The following POLR1D variants were observed in gnomAD, a reference collection of about 807,000 sequenced individuals.
POLR1D encodes the protein RNA polymerase I and III subunit D, also known as DNA-directed RNA polymerases I and III subunit RPAC2.
A neutral mutation model predicts 10.8 loss-of-function variants in POLR1D; 8 were observed. The ratio of observed to expected loss-of-function variants is 0.74; its 90% confidence interval spans 0.43 to 1.33. POLR1D has a LOEUF of 1.33. Ranked by LOEUF, POLR1D falls within the 40% of genes most tolerant of loss-of-function variation. The pLI is 0.01. For missense variants in POLR1D, 152 were observed against 161.7 expected (o/e 0.94, Z 0.32); for synonymous variants, 54 against 57.2 (o/e 0.94, Z 0.25).
At chr13:27,654,832 A>G (rs1956294740) in intron 2 of POLR1D, among the ~76,000 whole-genome samples, 1 of 152,230 alleles carries the variant, frequency 6.6e-6, no homozygotes. Flanking sequence ...CCACTGGTAC[A>G]GTTTTTCATC....
chr13:27,666,146 G>A (rs1297262650), exon 3 of POLR1D: 1 of 590,488 alleles, frequency 1.7e-6, no homozygotes, highest in East Asian at 2.8e-5. Context: ...AAGTGCAAAG[G>A]AGGATGTCTT....
At chr13:27,643,185 C>T (rs1467084800) in intron 1 of POLR1D, among the ~76,000 whole-genome samples, 9 of 152,178 alleles carry the variant, frequency 5.9e-5, no homozygotes, top group Non-Finnish European at 1.0e-4. Flanking sequence ...CCGTATAAAT[C>T]ACAGTACCTT....
At chr13:27,646,729 G>A (rs921947108) in intron 1 of POLR1D, among the ~76,000 whole-genome samples, 2 of 152,178 alleles carry the variant, frequency 1.3e-5, no homozygotes, top group African/African-American at 2.4e-5. Context: ...TAGTTTGAAA[G>A]CATAGTATTA....
chr13:27,622,826 C>A, intron 1 of POLR1D, 49 bp from the exon 2 acceptor site: 2 of 1,239,422 alleles, frequency 1.6e-6, no homozygotes, highest in Non-Finnish European at 2.4e-6. Context: ...AAGCTAGTTA[C>A]AAAACAATAT....
Position 27,623,182 on chromosome 13 carries a change from G to T in POLR1D, c.334G>T (p.Asp112Tyr), listed in dbSNP as rs149222191. 7 of 1,613,986 alleles carry T rather than the reference G, an allele frequency of 4.3e-6. No homozygotes were observed. In the African/African-American group the frequency reaches 8.0e-5, roughly 18 times the overall value. The stretch of plus-strand genomic sequence containing the variant: ...CATGAATGTCTGCCAACATGTGCTT[G>T]ACAAGTTTGAGGCCAGCATAAAGGA... ...ELMNVCQHVLDKFEASIKDYK... is the reference protein window; with the variant it reads ...ELMNVCQHVLYKFEASIKDYK... Residue 112 changes from aspartate (D) to tyrosine (Y), a missense_variant, in exon 2 of 2, where the codon GAC becomes TAC. Asp to Tyr is a radical substitution (Grantham distance 160). Transcript: ENST00000302979.
At chr13:27,656,933 A>G (rs902500537) in intron 2 of POLR1D, among the ~76,000 whole-genome samples, 1 of 152,264 alleles carries the variant, frequency 6.6e-6, no homozygotes, top group Non-Finnish European at 1.5e-5. Context: ...GGTCAGCACT[A>G]TATGAATCCT....
intron 1 of POLR1D, among the ~76,000 whole-genome samples, 194 bp from the exon 2 acceptor site, chr13:27,622,681 G>A (rs1273095725): frequency 6.6e-6 from 1 of 152,138 alleles, no homozygotes; most frequent in East Asian, 1.9e-4. Context: ...AAATGGAGCA[G>A]GGAAAAACTG....
chr13:27,634,675 CTTTT>C (rs369618281), intron 1 of POLR1D, among the ~76,000 whole-genome samples: 2 of 124,988 alleles, frequency 1.6e-5, no homozygotes, highest in Non-Finnish European at 3.4e-5. Context: ...ATAGACTCTG[CTTTT>C]TTTTTTTTTT....
upstream of POLR1D, chr13:27,621,093 G>C (rs1398125883): frequency 6.5e-6 from 1 of 153,666 alleles, no homozygotes; most frequent in Non-Finnish European, 1.4e-5. Flanking sequence ...GAGCGAGCCT[G>C]GGCGGCGAAA....
At chr13:27,626,152 T>C (rs182259823), downstream of POLR1D, among the ~76,000 whole-genome samples, 10 of 152,352 alleles carry the variant, frequency 6.6e-5, no homozygotes, top group East Asian at 1.2e-3. Flanking sequence ...TTAAAAACTT[T>C]TTTCCTCTCC....
At position 27,622,967 on chromosome 13, in the gene POLR1D, T is replaced by C. The variant is rs1275701517; in HGVS notation, c.119T>C (p.Val40Ala). 1 of 1,613,904 alleles carries C rather than the reference T, an allele frequency of 6.2e-7. No individual in the cohort carries two copies. Among genetic ancestry groups the C allele is most frequent in the Non-Finnish European group, 8.5e-7 (1 of 1,179,812 alleles). Residue 40 changes from valine (V) to alanine (A), a missense_variant, in exon 2 of 2, where the codon GTG becomes GCG. By Grantham distance (64) the Val-to-Ala change is moderately conservative. Transcript: ENST00000302979. ...VQAAGTDRHC[V>A]TFVLHEEDHT... ...GCAGCTGGAACAGATAGACACTGTGTGACATTTGTATTGCACGAGGAAGAC... is the reference window on the plus strand; with the variant it reads ...GCAGCTGGAACAGATAGACACTGTGCGACATTTGTATTGCACGAGGAAGAC...
chr13:27,652,037 A>G (rs1555273363), intron 2 of POLR1D, among the ~76,000 whole-genome samples: 1 of 152,260 alleles, frequency 6.6e-6, no homozygotes, highest in East Asian at 1.9e-4. Context: ...ATTTAGGCAC[A>G]GGGTGCTTTG....
In POLR1D at chr13:27,652,907, A is replaced by ACTTCTTTTTTTTTTTTTTTTTTT. The variant is rs1365436145; in HGVS notation, c.101+4454_101+4455insCTTCTTTTTTTTTTTTTTTTTTT. Among the ~76,000 whole-genome samples the ACTTCTTTTTTTTTTTTTTTTTTT allele has an allele frequency of 6.4e-5, 5 of 78,522 alleles. 1 individual carries two copies. Among genetic ancestry groups the ACTTCTTTTTTTTTTTTTTTTTTT allele is most frequent in the African/African-American group, 3.0e-4 (5 of 16,704 alleles). 51.5% of individuals were successfully genotyped at this position (78,522 alleles called of 152,430 possible). On this transcript the variant is annotated intron_variant, in intron 2 of 2. Coordinates refer to the POLR1D transcript ENST00000399697. ...AAACTTGCCAGAAGTTGCATTTACC[A>ACTTCTTTTTTTTTTTTTTTTTTT]TTTCTTTTTTTTTTTTTTTTTTTTT...
At chr13:27,653,681 G>T (rs1956286099) in intron 2 of POLR1D, among the ~76,000 whole-genome samples, 1 of 151,750 alleles carries the variant, frequency 6.6e-6, no homozygotes, top group South Asian at 2.1e-4. Flanking sequence ...ATTAAAGCTG[G>T]GCAATTTTTA....
chr13:27,627,632 C>T (rs922869280), downstream of POLR1D, among the ~76,000 whole-genome samples: 8 of 151,302 alleles, frequency 5.3e-5, no homozygotes, highest in East Asian at 3.9e-4. Context: ...TAAGAATTGG[C>T]GGCTTATGAT....
At chr13:27,622,191 A>G (rs185715081) in intron 1 of POLR1D, 182 bp downstream of exon 1, 3 of 631,540 alleles carry the variant, frequency 4.8e-6, no homozygotes, top group Admixed American at 2.6e-5. Context: ...TACACTAGCT[A>G]TCAAGGAGGG....
chr13:27,665,027 C>T (rs1956401830), intron 2 of POLR1D: 1 of 152,660 alleles, frequency 6.6e-6, no homozygotes, highest in Admixed American at 6.5e-5. Context: ...GCAGCCTCTC[C>T]TAGGTAAACT....
At chr13:27,621,870 T>C (rs1026268103), upstream of POLR1D, 7 of 1,136,614 alleles carry the variant, frequency 6.2e-6, no homozygotes, top group African/African-American at 6.2e-5. Flanking sequence ...CCTTCCGTCC[T>C]CCGCGCCTTC....
intron 1 of POLR1D, among the ~76,000 whole-genome samples, chr13:27,637,217 C>T (rs898118172): frequency 5.9e-5 from 9 of 152,074 alleles, no homozygotes; most frequent in Non-Finnish European, 8.8e-5. Context: ...TTGGATTAAT[C>T]GTAATAGAAT....
Sources: allele counts gnomAD v4.1 joint callset (sites outside exome capture counted in the v4.1 genomes callset), GRCh38; gene constraint gnomAD v4.1.1; transcripts MANE v1.5; gene names NCBI Gene and HGNC (gene_info 2026-07-23, HGNC 2026-07-21).